The following CDS1 variants were observed in gnomAD, a reference collection of about 807,000 sequenced individuals.
The protein encoded by CDS1 is CDP-diacylglycerol synthase 1.
CDS1 carries 41 observed loss-of-function variants against 62.1 expected under a neutral mutation model. The ratio of observed to expected loss-of-function variants is 0.66; its 90% CI spans 0.51 to 0.86. CDS1 has a LOEUF of 0.86. Among genes scored for constraint, CDS1 ranks in the 40% least tolerant of loss-of-function variants. CDS1 has a pLI of 0.00. For missense variants in CDS1, 470 were observed against 550.1 expected (o/e 0.85, Z 1.46); for synonymous variants, 185 against 192.6 (o/e 0.96, Z 0.32).
At chr4:84,644,987 G>A (rs992727874) in intron 11 of CDS1, among the ~76,000 whole-genome samples, 3 of 152,144 alleles carry the variant, frequency 2.0e-5, no homozygotes, top group African/African-American at 4.8e-5. Context: ...TTTAATTAAC[G>A]TTTGATGAAT....
intron 2 of CDS1, among the ~76,000 whole-genome samples, chr4:84,609,039 T>C (rs532590319): frequency 3.1e-4 from 47 of 151,570 alleles, no homozygotes; most frequent in African/African-American, 4.6e-4. Flanking sequence ...ATTAGCCGGG[T>C]GTGGTGGCGG....
At chr4:84,617,178 A>G (rs1334637498) in intron 3 of CDS1, among the ~76,000 whole-genome samples, 2 of 152,236 alleles carry the variant, frequency 1.3e-5, no homozygotes, top group Admixed American at 1.3e-4. Flanking sequence ...TTCTTAGGGT[A>G]TCTCAAGAAA....
intron 1 of CDS1, among the ~76,000 whole-genome samples, chr4:84,587,725 C>G (rs1450274647): frequency 6.6e-6 from 1 of 152,074 alleles, no homozygotes; most frequent in African/African-American, 2.4e-5. Context: ...AAATGGCATA[C>G]AAGTTTATTA....
intron 1 of CDS1, among the ~76,000 whole-genome samples, chr4:84,594,347 G>C (rs1203857548): frequency 6.6e-6 from 1 of 152,150 alleles, no homozygotes; most frequent in Non-Finnish European, 1.5e-5. Context: ...GGTGAATAAA[G>C]GCTGTCTTGT....
chr4:84,583,715 C>T (rs904978659), intron 1 of CDS1, among the ~76,000 whole-genome samples, 197 bp downstream of exon 1: 1 of 152,098 alleles, frequency 6.6e-6, no homozygotes, highest in African/African-American at 2.4e-5. Context: ...CGGTGAGGTT[C>T]CCAGGATGAC....
intron 9 of CDS1, 59 bp from the exon 10 acceptor site, chr4:84,640,779 A>T: frequency 1.5e-6 from 2 of 1,314,752 alleles, no homozygotes; most frequent in East Asian, 2.7e-5. Context: ...ATGTTTAGTC[A>T]ATGTGTTATG....
At chr4:84,627,530 C>A (rs541906740) in intron 5 of CDS1, among the ~76,000 whole-genome samples, 4 of 152,272 alleles carry the variant, frequency 2.6e-5, no homozygotes, top group Admixed American at 1.3e-4. Context: ...GATGTGTAAA[C>A]AGACTTAAGG....
chr4:84,596,761 G>C (rs1227488572), intron 1 of CDS1, among the ~76,000 whole-genome samples: 1 of 152,186 alleles, frequency 6.6e-6, no homozygotes, highest in East Asian at 1.9e-4. Flanking sequence ...GCTCCCTGAA[G>C]AAGAGTTTTC....
chr4:84,584,062 C>T (rs1040865482), intron 1 of CDS1, among the ~76,000 whole-genome samples: 19 of 152,176 alleles, frequency 1.2e-4, no homozygotes, highest in African/African-American at 4.3e-4. Context: ...GTATCATGCA[C>T]GTGACATAAT....
chr4:84,624,273 C>CAAAAAA (rs1268924462), intron 5 of CDS1, among the ~76,000 whole-genome samples: 1 of 56,514 alleles, frequency 1.8e-5, no homozygotes, highest in African/African-American at 6.3e-5. Context: ...GACTCTGTCT[C>CAAAAAA]AAAAAAAAAA....
intron 6 of CDS1, among the ~76,000 whole-genome samples, chr4:84,633,009 A>G (rs961155946): frequency 6.6e-6 from 1 of 152,174 alleles, no homozygotes; most frequent in Non-Finnish European, 1.5e-5. Context: ...CTGTAGTCCC[A>G]GCTACTGGGG....
intron 8 of CDS1, among the ~76,000 whole-genome samples, chr4:84,635,616 TGCCTGCCTG>T (rs1724164960): frequency 2.3e-4 from 24 of 106,126 alleles, no homozygotes; most frequent in African/African-American, 8.4e-4. Flanking sequence ...CCTGCCTGCC[TGCCTGCCTG>T]CCTTCCTTCC....
At position 84,633,947 on chromosome 4, in the gene CDS1, A is replaced by G; in HGVS notation, c.722+8A>G. 6.4e-7 allele frequency: 1 copy of G among 1,551,064 alleles called. No homozygotes were observed. The highest frequency in any genetic ancestry group is 8.9e-7 in the Non-Finnish European group (1 of 1,127,498). On this transcript the variant is annotated splice_region_variant and intron_variant, in intron 7 of 12. Transcript: ENST00000295887. ...GTTTGAAGGCATGATATGGTAAGGC[A>G]ACAGAATTATGCTGCTTTATAAGTA...
chr4:84,589,395 G>T (rs1308207640), intron 1 of CDS1, among the ~76,000 whole-genome samples: 1 of 151,948 alleles, frequency 6.6e-6, no homozygotes, highest in Non-Finnish European at 1.5e-5. Flanking sequence ...CTTCATTTTG[G>T]TACACTTCAC....
intron 12 of CDS1, among the ~76,000 whole-genome samples, chr4:84,647,585 T>C (rs1724593282): frequency 6.6e-6 from 1 of 152,162 alleles, no homozygotes; most frequent in East Asian, 1.9e-4. Flanking sequence ...GCTGTGAAGT[T>C]GCTGACTCTT....
chr4:84,626,180 C>CA (rs1723854691), intron 5 of CDS1, among the ~76,000 whole-genome samples: 1 of 151,872 alleles, frequency 6.6e-6, no homozygotes, highest in African/African-American at 2.4e-5. Flanking sequence ...AAAAAACAAA[C>CA]AAACAAACAA....
intron 1 of CDS1, among the ~76,000 whole-genome samples, chr4:84,590,016 T>A (rs1722541350): frequency 6.6e-6 from 1 of 152,200 alleles, no homozygotes; most frequent in Non-Finnish European, 1.5e-5. Flanking sequence ...TTTCACAGTG[T>A]TAGCCAGGAC....
At chr4:84,601,925 ACATACATG>A (rs1480924554) in intron 1 of CDS1, among the ~76,000 whole-genome samples, 1 of 135,656 alleles carries the variant, frequency 7.4e-6, no homozygotes, top group African/African-American at 2.7e-5. Context: ...ATAAATAAAT[ACATACATG>A]CATACATACA....
At position 84,609,094 on chromosome 4, in the gene CDS1, G is replaced by T. The variant is rs548449428; in HGVS notation, c.246-335G>T. 2.1e-4 allele frequency among the ~76,000 whole-genome samples: 32 copies of T among 151,140 alleles called. 1 individual carries two copies. The highest frequency in any genetic ancestry group is 7.5e-4 in the African/African-American group (31 of 41,086). On this transcript the variant is annotated intron_variant, in intron 2 of 12. Transcript: ENST00000295887. ...CTCGGGAGGCTGAGGCAGGAGAATG[G>T]CGTGAACCCAGGAGGTGGAGCTTTC... is the stretch of plus-strand genomic sequence containing the variant.
Sources: allele counts gnomAD v4.1 joint callset (sites outside exome capture counted in the v4.1 genomes callset), GRCh38; gene constraint gnomAD v4.1.1; transcripts MANE v1.5; gene names NCBI Gene and HGNC (gene_info 2026-07-23, HGNC 2026-07-21).